The following EVC2 variants were observed in gnomAD, a reference collection of about 807,000 sequenced individuals.
EVC2 encodes limbin.
Under a neutral mutation model 149.3 loss-of-function variants are expected in EVC2, and 148 were observed. The ratio of observed to expected loss-of-function variants is 0.99; its 90% CI spans 0.87 to 1.14. The LOEUF (loss-of-function observed/expected upper bound fraction) is 1.14, where lower values mean the gene tolerates loss of function less well. EVC2 is among the 50% of genes most tolerant of loss of function. The pLI is 0.00. For synonymous variants in EVC2, 776 were observed against 649.9 expected, an observed-to-expected ratio of 1.19 and a Z score of -2.95; for missense variants, 1,854 against 1,627.3, an observed-to-expected ratio of 1.14 and a Z score of -2.40.
At chr4:5,561,674 A>T (rs1009381345), downstream of EVC2, among the ~76,000 whole-genome samples, 3 of 152,096 alleles carry the variant, frequency 2.0e-5, no homozygotes, top group Non-Finnish European at 4.4e-5. Context: ...CTCAGGTTCA[A>T]ATTGAGGATT....
rs577238106 is a variant in EVC2, at chr4:5,682,105, A to C, written c.817-792T>G. 6.6e-5 allele frequency among the ~76,000 whole-genome samples: 10 copies of C among 152,348 alleles called. No individual in the cohort carries two copies. In the South Asian group the frequency reaches 1.5e-3, roughly 22 times the overall value. On this transcript the variant is annotated intron_variant, in intron 6 of 21. Transcript: ENST00000344408. Reference sequence around the variant, plus strand: ...TTAACTTAGGTAATATAGAACCCTGAAGAGTGCCTGGCACTAGGGAATGCT... The same window carrying C: ...TTAACTTAGGTAATATAGAACCCTGCAGAGTGCCTGGCACTAGGGAATGCT...
intron 21 of EVC2, among the ~76,000 whole-genome samples, chr4:5,550,242 AG>A (rs1403200541): frequency 5.3e-5 from 8 of 152,222 alleles, no homozygotes; most frequent in Non-Finnish European, 8.8e-5. Flanking sequence ...AGAAGAAGAC[AG>A]GAAAATGTGG....
At position 5,618,749 on chromosome 4, in the gene EVC2, A is replaced by G. The variant is rs1485721204; in HGVS notation, c.2502-67T>C. The G allele has an allele frequency of 3.5e-6, 5 of 1,440,810 alleles. No individual in the cohort carries two copies. Among genetic ancestry groups the G allele is most frequent in the Non-Finnish European group, 4.8e-6 (5 of 1,046,768 alleles). The allele number at this position is 1,440,810 out of a possible 1,614,324, so 89.3% of individuals were successfully genotyped here. On this transcript the variant is annotated intron_variant, in intron 14 of 21. Coordinates refer to ENST00000344408, the MANE Select transcript of EVC2 (RefSeq NM_147127.5). This position sits in a 1 kb window ranked among gnomAD's most constrained non-coding sequence, Gnocchi z 4.4. ...CCTGGGGGCTGGGCTGGGGTGAAGAAGCCAGAGATGCAAAGCTCATTCCTC... is the reference window on the plus strand; with the variant it reads ...CCTGGGGGCTGGGCTGGGGTGAAGAGGCCAGAGATGCAAAGCTCATTCCTC...
intron 21 of EVC2, among the ~76,000 whole-genome samples, chr4:5,549,638 A>C (rs1350978743): frequency 6.6e-6 from 1 of 152,256 alleles, no homozygotes; most frequent in Non-Finnish European, 1.5e-5. Flanking sequence ...CTCTCACAGA[A>C]GTGACAGAAC....
chr4:5,536,511 G>A, the EVC2 span, among the ~76,000 whole-genome samples: 29 of 152,190 alleles, frequency 1.9e-4, no homozygotes, highest in South Asian at 1.0e-3. Context: ...ATGGCTGGGC[G>A]CGGTGGCTCA....
the EVC2 span, among the ~76,000 whole-genome samples, chr4:5,536,956 A>G: frequency 1.3e-5 from 2 of 152,340 alleles, no homozygotes; most frequent in South Asian, 2.1e-4. Flanking sequence ...GTCATCTGAG[A>G]AAGGTAAATT....
intron 7 of EVC2, among the ~76,000 whole-genome samples, chr4:5,672,484 G>T (rs1026018194): frequency 6.6e-6 from 1 of 152,152 alleles, no homozygotes; most frequent in Non-Finnish European, 1.5e-5. Flanking sequence ...GGAGAAATAG[G>T]GGGCATGAAA....
the EVC2 span, among the ~76,000 whole-genome samples, chr4:5,530,005 G>A: frequency 4.6e-5 from 7 of 151,992 alleles, no homozygotes; most frequent in African/African-American, 1.7e-4. Flanking sequence ...TAGTAGAGAC[G>A]GGATTTCGCC....
In EVC2 at chr4:5,656,398, C is replaced by G. The variant is rs939374747; in HGVS notation, c.1145+6709G>C. On this transcript the variant is annotated intron_variant, in intron 9 of 21. Coordinates refer to ENST00000344408, the MANE Select transcript of EVC2 (RefSeq NM_147127.5). ...CCTCATCCTCTTGAGATGTTGCGAT[C>G]ACTTCCACCCAAAGATTTCCAGCCC... Among the ~76,000 whole-genome samples, 3 of 152,188 alleles carry G rather than the reference C, an allele frequency of 2.0e-5. No individual in the cohort carries two copies. The East Asian group carries it at 5.8e-4, about 29-fold the overall frequency.
downstream of EVC2, among the ~76,000 whole-genome samples, chr4:5,559,761 T>C (rs1477102594): frequency 6.6e-6 from 1 of 152,142 alleles, no homozygotes; most frequent in Admixed American, 6.5e-5. This position sits in a 1 kb window ranked among gnomAD's most constrained non-coding sequence, Gnocchi z 5.0. Flanking sequence ...ATAAAATAAA[T>C]ATCCATGAGT....
intron 16 of EVC2, among the ~76,000 whole-genome samples, chr4:5,587,449 T>C (rs1712391008): frequency 6.6e-6 from 1 of 152,262 alleles, no homozygotes; most frequent in African/African-American, 2.4e-5. Flanking sequence ...ATTTCCTTTT[T>C]ATGGCTGCAT....
intron 16 of EVC2, among the ~76,000 whole-genome samples, chr4:5,595,716 C>T (rs1394488572): frequency 3.9e-5 from 6 of 152,106 alleles, no homozygotes; most frequent in Non-Finnish European, 7.3e-5. Context: ...TCACACATAA[C>T]AATATTAACT....
the EVC2 span, among the ~76,000 whole-genome samples, chr4:5,531,404 AC>A: frequency 6.6e-6 from 1 of 152,096 alleles, no homozygotes; most frequent in Non-Finnish European, 1.5e-5. Context: ...GGGGTCTCCA[AC>A]CCCTAGGCCA....
At chr4:5,554,498 A>G (rs1006810140) in intron 21 of EVC2, among the ~76,000 whole-genome samples, 4 of 152,190 alleles carry the variant, frequency 2.6e-5, no homozygotes, top group African/African-American at 9.6e-5. Context: ...ATAGAGAGAT[A>G]AGAAAGATCC....
chr4:5,691,102 TATGAG>T (rs1289844503), intron 4 of EVC2, among the ~76,000 whole-genome samples, 158 bp downstream of exon 4: 1 of 152,246 alleles, frequency 6.6e-6, no homozygotes, highest in African/African-American at 2.4e-5. Flanking sequence ...AGTATTGCCA[TATGAG>T]ATATCACAGA....
At chr4:5,661,505 G>A (rs968600298) in intron 9 of EVC2, among the ~76,000 whole-genome samples, 2 of 152,274 alleles carry the variant, frequency 1.3e-5, no homozygotes, top group Middle Eastern at 3.4e-3. Flanking sequence ...CTAGATAACA[G>A]ACACAGAACG....
intron 16 of EVC2, among the ~76,000 whole-genome samples, chr4:5,592,566 G>A (rs556727441): frequency 2.0e-5 from 3 of 152,356 alleles, no homozygotes; most frequent in African/African-American, 7.2e-5. Context: ...GCTGGTGCCA[G>A]GGAACAGCAG....
At chr4:5,592,232 A>C (rs1407491251) in intron 16 of EVC2, among the ~76,000 whole-genome samples, 1 of 152,190 alleles carries the variant, frequency 6.6e-6, no homozygotes, top group East Asian at 1.9e-4. Flanking sequence ...TTCATCACTT[A>C]AAAAACAGAT....
chr4:5,608,700 A>T (rs574736539), intron 16 of EVC2, among the ~76,000 whole-genome samples: 1 of 151,960 alleles, frequency 6.6e-6, no homozygotes, highest in African/African-American at 2.4e-5. Context: ...CACCCAGCTA[A>T]TTTTTTTGTA....
Sources: gnomAD v4.1 joint callset for allele counts (sites outside exome capture counted in the v4.1 genomes callset) on GRCh38, gnomAD v4.1.1 for gene constraint, Gnocchi (gnomAD v3.1) non-coding constraint, MANE v1.5 for transcripts, NCBI Gene and HGNC (gene_info 2026-07-23, HGNC 2026-07-21) for gene names.